The following CDH13 variants were observed in gnomAD, a reference collection of about 807,000 sequenced individuals.
The protein encoded by CDH13 is cadherin-13.
Under a neutral mutation model 63.8 loss-of-function variants are expected in CDH13, and 24 were observed. The ratio of observed to expected loss-of-function variants is 0.38; its 90% confidence interval spans 0.27 to 0.53. The LOEUF is 0.53. Ranked by LOEUF, CDH13 falls within the 20% of genes least tolerant of loss-of-function variation. CDH13 has a pLI of 0.85. For synonymous variants in CDH13, 503 were observed against 355.3 expected, an observed-to-expected ratio of 1.42 and a Z score of -4.67; for missense variants, 1,049 against 903.1, an observed-to-expected ratio of 1.16 and a Z score of -2.07.
chr16:83,187,267 GC>G (rs1166586383), intron 4 of CDH13, among the ~76,000 whole-genome samples: 3 of 152,150 alleles, frequency 2.0e-5, no homozygotes, highest in Non-Finnish European at 4.4e-5. Context: ...ACCACGCCTG[GC>G]CCCAAACAAA....
At chr16:83,321,530 T>TTA (rs2090224374) in intron 5 of CDH13, among the ~76,000 whole-genome samples, 1 of 143,146 alleles carries the variant, frequency 7.0e-6, no homozygotes, top group Admixed American at 7.0e-5. Context: ...CTGGAATTTT[T>TTA]TTTTTTTTTT....
intron 1 of CDH13, among the ~76,000 whole-genome samples, chr16:82,762,805 C>T (rs181001196): frequency 7.2e-5 from 11 of 152,290 alleles, no homozygotes; most frequent in Admixed American, 7.2e-4. Context: ...TTGGAAATGT[C>T]TTTCTCATCA....
At chr16:82,658,918 G>C (rs959792004) in intron 1 of CDH13, among the ~76,000 whole-genome samples, 3 of 152,162 alleles carry the variant, frequency 2.0e-5, no homozygotes, top group Non-Finnish European at 2.9e-5. Context: ...CCCTAAAGAA[G>C]GTTCTCAAGG....
At position 82,691,494 on chromosome 16, in the gene CDH13, A is replaced by G. The variant is rs527767545; in HGVS notation, c.45+64357A>G. 3.3e-5 allele frequency among the ~76,000 whole-genome samples: 5 copies of G among 152,324 alleles called. No individual in the cohort carries two copies. In the South Asian group the frequency reaches 1.0e-3, roughly 32 times the overall value. On this transcript the variant is annotated intron_variant, in intron 1 of 13. Coordinates refer to ENST00000567109, the MANE Select transcript of CDH13 (RefSeq NM_001257.5). The stretch of plus-strand genomic sequence containing the variant: ...TGAGGCCTGTGCCATTAACTTCGGC[A>G]GTACCTTACTCATTAATGCACCCTT...
At chr16:83,780,849 G>A (rs1013518693) in intron 12 of CDH13, among the ~76,000 whole-genome samples, 1 of 152,192 alleles carries the variant, frequency 6.6e-6, no homozygotes, top group South Asian at 2.1e-4. Flanking sequence ...TGTCTTTCCA[G>A]TCTCAGAGAC....
chr16:82,681,060 G>T (rs559204153), intron 1 of CDH13, among the ~76,000 whole-genome samples: 1 of 152,196 alleles, frequency 6.6e-6, no homozygotes, highest in Non-Finnish European at 1.5e-5. Flanking sequence ...GTCTGTTCTG[G>T]CATGGCAAAG....
chr16:83,498,900 A>G (rs1455278642), intron 7 of CDH13, among the ~76,000 whole-genome samples: 1 of 152,164 alleles, frequency 6.6e-6, no homozygotes, highest in African/African-American at 2.4e-5. Context: ...TGGCTTCTAT[A>G]GCTCGGTTTT....
At chr16:82,639,462 G>T (rs1051786620) in intron 1 of CDH13, 13 of 1,532,262 alleles carry the variant, frequency 8.5e-6, no homozygotes, top group African/African-American at 5.5e-5. Flanking sequence ...CTTCAACCAT[G>T]CAGGTAAATT....
intron 1 of CDH13, chr16:82,823,412 A>G (rs1439283954): frequency 2.7e-5 from 1 of 37,302 alleles, no homozygotes; most frequent in African/African-American, 8.9e-5. Context: ...AGGGAAAAAA[A>G]GTACATTTAA....
chr16:82,759,038 T>C (rs148114774), intron 1 of CDH13, among the ~76,000 whole-genome samples: 21 of 152,262 alleles, frequency 1.4e-4, no homozygotes, highest in African/African-American at 4.1e-4. Context: ...TTTCTCAGCA[T>C]TGGGGGCTTA....
At chr16:82,666,574 G>C (rs1189523315) in intron 1 of CDH13, among the ~76,000 whole-genome samples, 1 of 152,192 alleles carries the variant, frequency 6.6e-6, no homozygotes, top group Non-Finnish European at 1.5e-5. Flanking sequence ...ATTGGAATCT[G>C]GGATGTCTGA....
chr16:82,817,148 T>C (rs1000117881), intron 1 of CDH13, among the ~76,000 whole-genome samples: 4 of 151,950 alleles, frequency 2.6e-5, no homozygotes, highest in African/African-American at 9.7e-5. Context: ...GACTCTCCTT[T>C]CATTTCTCTT....
intron 2 of CDH13, among the ~76,000 whole-genome samples, chr16:82,982,076 A>C (rs1286425464): frequency 6.6e-6 from 1 of 152,180 alleles, no homozygotes; most frequent in African/African-American, 2.4e-5. Context: ...TAGTTTTAGC[A>C]CTTATTAGCT....
chr16:83,483,360 T>C (rs2073816259), intron 6 of CDH13, among the ~76,000 whole-genome samples: 1 of 152,146 alleles, frequency 6.6e-6, no homozygotes. Context: ...TGCTTGGGAA[T>C]ATTCCAGGAT....
chr16:83,194,464 C>A (rs895252464), intron 4 of CDH13, among the ~76,000 whole-genome samples: 1 of 152,220 alleles, frequency 6.6e-6, no homozygotes, highest in African/African-American at 2.4e-5. Flanking sequence ...AGGATAGAAA[C>A]ATAAATGGAA....
chr16:83,687,372 C>T (rs965383901), intron 10 of CDH13, among the ~76,000 whole-genome samples: 6 of 152,084 alleles, frequency 3.9e-5, no homozygotes, highest in African/African-American at 9.7e-5. Flanking sequence ...TTTGGGGAGG[C>T]CTCAGGAAAC....
intron 11 of CDH13, among the ~76,000 whole-genome samples, chr16:83,774,689 A>G (rs1450725344): frequency 1.3e-5 from 2 of 150,684 alleles, no homozygotes; most frequent in African/African-American, 2.4e-5. Flanking sequence ...TTTATTTGTG[A>G]AAAAAAAATA....
intron 10 of CDH13, among the ~76,000 whole-genome samples, chr16:83,734,040 A>T (rs914900635): frequency 6.6e-6 from 1 of 151,576 alleles, no homozygotes; most frequent in Admixed American, 6.6e-5. Context: ...ACCAGATTAA[A>T]CCCCAAAGCC....
intron 8 of CDH13, among the ~76,000 whole-genome samples, chr16:83,628,169 G>T (rs960474210): frequency 6.6e-6 from 1 of 152,114 alleles, no homozygotes; most frequent in Non-Finnish European, 1.5e-5. Context: ...ATGCCTAACC[G>T]CCTGGGAACG....
Sources: gnomAD v4.1 joint callset for allele counts (sites outside exome capture counted in the v4.1 genomes callset) on GRCh38, gnomAD v4.1.1 for gene constraint, MANE v1.5 for transcripts, NCBI Gene and HGNC (gene_info 2026-07-23, HGNC 2026-07-21) for gene names.